Variants in NRG1 observed in about 807,000 individuals in gnomAD.
NRG1 encodes neuregulin 1.
A neutral mutation model predicts 63.8 loss-of-function variants in NRG1; 18 were observed. That is an observed-to-expected ratio of 0.28 (90% CI 0.19 to 0.42). NRG1 has a LOEUF of 0.42. Ranked by LOEUF, NRG1 falls within the 10% of genes least tolerant of loss-of-function variation. The probability of loss-of-function intolerance (pLI) is 1.00; values close to 1 mark genes in which losing one functional copy is unlikely to be tolerated. For missense variants in NRG1, 762 were observed against 814.7 expected, an observed-to-expected ratio of 0.94 and a Z score of 0.79; for synonymous variants, 302 against 301.3, an observed-to-expected ratio of 1.00 and a Z score of -0.02.
At chr8:32,080,210 C>A (rs112692058) in intron 1 of NRG1, among the ~76,000 whole-genome samples, 2 of 151,946 alleles carry the variant, frequency 1.3e-5, no homozygotes, top group Non-Finnish European at 2.9e-5. Context: ...GAATTCTTAA[C>A]GTGATTATTT....
intron 1 of NRG1, among the ~76,000 whole-genome samples, chr8:31,830,352 TCC>T (rs1825004985): frequency 1.2e-5 from 1 of 82,584 alleles, no homozygotes; most frequent in African/African-American, 5.6e-5. Flanking sequence ...CTTCCTTCCT[TCC>T]TTCCTTCCCT....
At chr8:32,267,608 C>T (rs948397906) in intron 1 of NRG1, among the ~76,000 whole-genome samples, 1 of 152,162 alleles carries the variant, frequency 6.6e-6, no homozygotes, top group African/African-American at 2.4e-5. Context: ...CAGTCATTAC[C>T]ATGAGCAGTC....
intron 1 of NRG1, among the ~76,000 whole-genome samples, chr8:32,068,589 G>A (rs903067773): frequency 3.3e-5 from 5 of 152,110 alleles, no homozygotes; most frequent in Admixed American, 3.3e-4. Flanking sequence ...ATCCTAGAGG[G>A]TTTCTTCGAG....
rs148709571 is a variant in NRG1 at position 32,023,441 on chromosome 8, T to C, written c.37+384010T>C. On this transcript the variant is annotated intron_variant, in intron 1 of 10. Coordinates refer to the NRG1 transcript ENST00000519301. ...GAACTTGGGAACAGCTGCAAGTAAGTATGATGAACGACTCTGCATTGGGCT... is the reference window on the plus strand; with the variant it reads ...GAACTTGGGAACAGCTGCAAGTAAGCATGATGAACGACTCTGCATTGGGCT... 4.8e-3 allele frequency among the ~76,000 whole-genome samples: 732 copies of C among 152,342 alleles called. 2 individuals carry two copies. The highest frequency in any genetic ancestry group is 0.017 in the African/African-American group (697 of 41,578).
intron 1 of NRG1, among the ~76,000 whole-genome samples, chr8:32,322,843 T>C (rs1282291852): frequency 6.8e-6 from 1 of 147,276 alleles, no homozygotes; most frequent in Non-Finnish European, 1.5e-5. Flanking sequence ...CATTTTATTC[T>C]ATAATAGCAA....
At chr8:31,824,528 T>C (rs1824345874) in intron 1 of NRG1, among the ~76,000 whole-genome samples, 1 of 152,216 alleles carries the variant, frequency 6.6e-6, no homozygotes, top group Admixed American at 6.5e-5. Context: ...TGATGGATTC[T>C]CATCAATGGC....
Position 32,543,201 on chromosome 8 carries a change from T to G in NRG1, c.38-52627T>G, listed in dbSNP as rs567167429. On this transcript the variant is annotated intron_variant, in intron 1 of 10. Coordinates refer to the NRG1 transcript ENST00000519301. The stretch of plus-strand genomic sequence containing the variant: ...TAGGCTTATATTCAAATACAGACAA[T>G]GCTTTCCATTTCCAGTAAAGGGAAT... Among the ~76,000 whole-genome samples the G allele has an allele frequency of 3.9e-5, 6 of 152,164 alleles. No individual in the cohort carries two copies. In the South Asian group the frequency reaches 1.0e-3, roughly 26 times the overall value.
chr8:32,253,654 T>A (rs1368406106), intron 1 of NRG1, among the ~76,000 whole-genome samples: 1 of 152,194 alleles, frequency 6.6e-6, no homozygotes, highest in Non-Finnish European at 1.5e-5. Context: ...GGCATTTTCT[T>A]TTTTTGTTTT....
chr8:32,405,085 A>G (rs372824532), intron 1 of NRG1, among the ~76,000 whole-genome samples: 5 of 152,324 alleles, frequency 3.3e-5, no homozygotes, highest in East Asian at 1.9e-4. Context: ...GGGGCACCAT[A>G]CAGATCTGAA....
intron 1 of NRG1, among the ~76,000 whole-genome samples, chr8:32,461,979 A>C (rs570229594): frequency 6.6e-6 from 1 of 152,308 alleles, no homozygotes; most frequent in South Asian, 2.1e-4. Flanking sequence ...AATCTAGTAG[A>C]GGAAGCAAAA....
chr8:32,011,943 G>A (rs1435867870), intron 1 of NRG1, among the ~76,000 whole-genome samples: 1 of 152,076 alleles, frequency 6.6e-6, no homozygotes, highest in African/African-American at 2.4e-5. Flanking sequence ...CAAAAGTAAG[G>A]TTTCCAGTAA....
chr8:32,475,192 C>A (rs1370013837), intron 1 of NRG1, among the ~76,000 whole-genome samples: 1 of 152,088 alleles, frequency 6.6e-6, no homozygotes, highest in Non-Finnish European at 1.5e-5. Context: ...CTTGGCCAGG[C>A]ACGCTGGCTC....
intron 1 of NRG1, among the ~76,000 whole-genome samples, chr8:31,661,528 G>C (rs1441309983): frequency 6.6e-6 from 1 of 152,170 alleles, no homozygotes; most frequent in Non-Finnish European, 1.5e-5. Context: ...AAACTCTGAT[G>C]ATTATTTTGA....
intron 1 of NRG1, among the ~76,000 whole-genome samples, chr8:32,536,445 C>G (rs1230925187): frequency 6.6e-6 from 1 of 152,172 alleles, no homozygotes; most frequent in Non-Finnish European, 1.5e-5. Flanking sequence ...TTTTTAAGGA[C>G]TCTGCTGATG....
At chr8:32,185,516 G>A (rs1472724159) in intron 1 of NRG1, among the ~76,000 whole-genome samples, 1 of 152,042 alleles carries the variant, frequency 6.6e-6, no homozygotes, top group Non-Finnish European at 1.5e-5. Context: ...GTTCATAGGT[G>A]GTCTCTCAAG....
intron 1 of NRG1, among the ~76,000 whole-genome samples, chr8:32,338,082 C>T (rs749796340): frequency 2.4e-4 from 37 of 152,132 alleles, no homozygotes; most frequent in African/African-American, 4.6e-4. Flanking sequence ...ATCTGCCACA[C>T]GAAATTTTAA....
chr8:31,871,165 TG>T (rs1829449083), intron 1 of NRG1, among the ~76,000 whole-genome samples: 1 of 152,060 alleles, frequency 6.6e-6, no homozygotes, highest in Admixed American at 6.6e-5. Context: ...TTAGTAGAGA[TG>T]GGGTTTCACC....
intron 1 of NRG1, among the ~76,000 whole-genome samples, chr8:31,755,273 G>A (rs1816857521): frequency 6.6e-6 from 1 of 151,998 alleles, no homozygotes; most frequent in Non-Finnish European, 1.5e-5. Flanking sequence ...GTCTATACCT[G>A]AGACCCCAGT....
At chr8:31,721,637 T>C (rs1400905790) in intron 1 of NRG1, among the ~76,000 whole-genome samples, 3 of 152,174 alleles carry the variant, frequency 2.0e-5, no homozygotes, top group Admixed American at 1.3e-4. Context: ...TCACTCCTCT[T>C]CATTCTGATA....
Sources: allele counts gnomAD v4.1 joint callset (sites outside exome capture counted in the v4.1 genomes callset), GRCh38; gene constraint gnomAD v4.1.1; transcripts MANE v1.5; gene names NCBI Gene and HGNC (gene_info 2026-07-23, HGNC 2026-07-21).